Variants in HYDIN observed in about 807,000 individuals in gnomAD.
The protein encoded by HYDIN is axonemal central pair apparatus protein HYDIN.
In HYDIN, 132 loss-of-function variants were observed where a neutral mutation model predicts 403.9. The ratio of observed to expected loss-of-function variants is 0.33; its 90% CI spans 0.28 to 0.38. The LOEUF (loss-of-function observed/expected upper bound fraction) is 0.38, where lower values mean the gene tolerates loss of function less well. Among genes scored for constraint, HYDIN ranks in the 10% least tolerant of loss-of-function variants. The pLI is 1.00. For synonymous variants in HYDIN, 1,202 were observed against 1,891.7 expected, an observed-to-expected ratio of 0.64 and a Z score of 9.46; for missense variants, 2,827 against 5,009.5, an observed-to-expected ratio of 0.56 and a Z score of 13.15.
intron 73 of HYDIN, among the ~76,000 whole-genome samples, chr16:70,850,980 T>G (rs1029802305): frequency 3.9e-5 from 6 of 152,040 alleles, no homozygotes; most frequent in Non-Finnish European, 7.4e-5. Context: ...TGGCTAGCCA[T>G]AAGCCAGAAG....
At chr16:71,002,584 G>A (rs1410423745) in intron 23 of HYDIN, among the ~76,000 whole-genome samples, 1 of 151,392 alleles carries the variant, frequency 6.6e-6, no homozygotes. Context: ...CTTATTCAGA[G>A]TCAGAGATCA....
At chr16:70,888,928 G>C (rs1488050602) in intron 58 of HYDIN, among the ~76,000 whole-genome samples, 1 of 152,304 alleles carries the variant, frequency 6.6e-6, no homozygotes, top group Admixed American at 6.5e-5. Context: ...TTACTGTCTA[G>C]AAGTTTTCTG....
Position 71,031,743 on chromosome 16 carries a change from T to C in HYDIN, c.2704A>G (p.Thr902Ala). Residue 902 changes from threonine to alanine, a missense_variant, in exon 19 of 86, where the codon ACT becomes GCT. Transcript: ENST00000393567. The part of the protein sequence containing the change: ...TYRIPVQASG[T>A]GSTIVSDKPF... ...TTATCTGAAACAATAGTGGAACCAG[T>C]TCCGGAAGCCTGAACAGGAATCCGA... 1 of 1,333,998 alleles carries C rather than the reference T, an allele frequency of 7.5e-7. No individual in the cohort carries two copies. Among genetic ancestry groups the C allele is most frequent in the East Asian group, 2.3e-5 (1 of 43,764 alleles). The allele number at this position is 1,333,998 out of a possible 1,614,324, so 82.6% of individuals were successfully genotyped here. A position where few individuals can be genotyped will look rare whatever the true frequency, so the allele number is the denominator to read the frequency against.
chr16:70,882,428 G>A (rs2040865571), intron 60 of HYDIN, among the ~76,000 whole-genome samples: 1 of 152,260 alleles, frequency 6.6e-6, no homozygotes, highest in Admixed American at 6.5e-5. Flanking sequence ...ATGGAGGAAT[G>A]CGGTTTGCTC....
intron 4 of HYDIN, among the ~76,000 whole-genome samples, chr16:71,176,171 A>G (rs892446880): frequency 1.3e-5 from 2 of 151,824 alleles, no homozygotes; most frequent in Non-Finnish European, 2.9e-5. Flanking sequence ...CGGGTGTGGT[A>G]GCATGTGCCT....
At chr16:71,211,022 A>G (rs532864574) in intron 1 of HYDIN, among the ~76,000 whole-genome samples, 1 of 152,256 alleles carries the variant, frequency 6.6e-6, no homozygotes. Flanking sequence ...AATATTACAC[A>G]CACACACAGA....
At chr16:71,207,891 C>T (rs2088381840) in intron 1 of HYDIN, among the ~76,000 whole-genome samples, 1 of 152,170 alleles carries the variant, frequency 6.6e-6, no homozygotes, top group Admixed American at 6.5e-5. Flanking sequence ...AATCTATATG[C>T]AGCCAAAACA....
At chr16:70,933,922 G>A (rs1007594788) in intron 45 of HYDIN, among the ~76,000 whole-genome samples, 5 of 152,074 alleles carry the variant, frequency 3.3e-5, no homozygotes, top group Non-Finnish European at 7.3e-5. Context: ...CGCATGGGAT[G>A]GGGGTCAGCC....
At chr16:70,994,193 C>T (rs2079451162) in intron 23 of HYDIN, among the ~76,000 whole-genome samples, 1 of 151,452 alleles carries the variant, frequency 6.6e-6, no homozygotes, top group African/African-American at 2.4e-5. Flanking sequence ...CTTTACATAC[C>T]CTATTGCACA....
intron 18 of HYDIN, among the ~76,000 whole-genome samples, chr16:71,047,801 G>T (rs2144220089): frequency 6.6e-6 from 1 of 151,044 alleles, no homozygotes; most frequent in African/African-American, 2.4e-5. Flanking sequence ...ATCAAATCAG[G>T]GTAATTAGCA....
In HYDIN at chr16:71,078,861, C is replaced by T. The variant is rs374831195; in HGVS notation, c.1738+1024G>A. 1.7e-3 allele frequency among the ~76,000 whole-genome samples: 255 copies of T among 152,322 alleles called. 1 individual carries two copies. Among genetic ancestry groups the T allele is most frequent in the Admixed American group, 3.8e-3 (58 of 15,298 alleles). On this transcript the variant is annotated intron_variant, in intron 13 of 85. Coordinates refer to ENST00000393567, the MANE Select transcript of HYDIN (RefSeq NM_001270974.2). Reference sequence around the variant, plus strand: ...AAGTTACGGCAAAATTGCTGGTTATCTCCCACTATCCTTTTCCTTCTTCAG... The same window carrying T: ...AAGTTACGGCAAAATTGCTGGTTATTTCCCACTATCCTTTTCCTTCTTCAG...
At position 70,803,315 on chromosome 16, in the gene HYDIN, A is replaced by C. The variant is rs2034973848; in HGVS notation, c.*4265T>G. ...GTTCTTTTCTCTAATATCTTGAAAA[A>C]TGCCAACTAGGTAAGATTATTTATG... On this transcript the variant is annotated 3_prime_UTR_variant, in exon 86 of 86. Coordinates refer to ENST00000393567, the MANE Select transcript of HYDIN (RefSeq NM_001270974.2). Among the ~76,000 whole-genome samples the C allele has an allele frequency of 6.6e-6, 1 of 152,204 alleles. No homozygotes were observed. Among genetic ancestry groups the C allele is most frequent in the Non-Finnish European group, 1.5e-5 (1 of 68,040 alleles).
At chr16:71,206,829 G>C (rs576109242) in intron 1 of HYDIN, among the ~76,000 whole-genome samples, 24 of 152,334 alleles carry the variant, frequency 1.6e-4, no homozygotes, top group African/African-American at 5.8e-4. Context: ...GACTCTCAGA[G>C]CTTGAAGACC....
At chr16:70,923,824 A>T (rs1476068751) in intron 45 of HYDIN, among the ~76,000 whole-genome samples, 1 of 145,928 alleles carries the variant, frequency 6.9e-6, no homozygotes, top group South Asian at 2.1e-4. Context: ...CTGTCTCAAA[A>T]AAAAAAAAAA....
At chr16:71,078,290 G>T (rs2082678289) in intron 13 of HYDIN, among the ~76,000 whole-genome samples, 1 of 151,400 alleles carries the variant, frequency 6.6e-6, no homozygotes, top group Non-Finnish European at 1.5e-5. Context: ...GTAGATATTT[G>T]ACTTCTTTTT....
intron 5 of HYDIN, 138 bp from the exon 6 acceptor site, chr16:71,162,868 A>G (rs1214587093): frequency 3.3e-6 from 2 of 598,142 alleles, no homozygotes; most frequent in Admixed American, 5.9e-5. Flanking sequence ...AAACAATTAC[A>G]GAAGTACTTT....
intron 53 of HYDIN, among the ~76,000 whole-genome samples, chr16:70,897,064 C>T (rs1277120592): frequency 9.4e-5 from 14 of 148,418 alleles, no homozygotes; most frequent in Admixed American, 3.4e-4. Flanking sequence ...AGACTGACAA[C>T]CCACAGAATG....
intron 23 of HYDIN, among the ~76,000 whole-genome samples, chr16:71,005,110 A>G (rs1259775535): frequency 6.6e-6 from 1 of 152,240 alleles, no homozygotes; most frequent in Non-Finnish European, 1.5e-5. Flanking sequence ...GCCCTAGTAT[A>G]CAGTAATTTT....
At chr16:70,948,536 G>A (rs2077955693) in intron 41 of HYDIN, among the ~76,000 whole-genome samples, 1 of 151,430 alleles carries the variant, frequency 6.6e-6, no homozygotes, top group South Asian at 2.1e-4. Context: ...CAAAATGGGA[G>A]AAAATTTTTG....
Sources: allele counts gnomAD v4.1 joint callset (sites outside exome capture counted in the v4.1 genomes callset), GRCh38; gene constraint gnomAD v4.1.1; transcripts MANE v1.5; gene names NCBI Gene and HGNC (gene_info 2026-07-23, HGNC 2026-07-21).